Variants in PCID2 observed in about 807,000 individuals in gnomAD.
PCID2 encodes PCI domain containing 2.
A neutral mutation model predicts 61.3 loss-of-function variants in PCID2; 41 were observed. The ratio of observed to expected loss-of-function variants is 0.67; its 90% CI spans 0.52 to 0.87. The LOEUF is 0.87. PCID2 is among the 40% of genes least tolerant of loss of function. PCID2 has a pLI of 0.00. For synonymous variants in PCID2, 187 were observed against 177.8 expected, an observed-to-expected ratio of 1.05 and a Z score of -0.41; for missense variants, 392 against 493.4, an observed-to-expected ratio of 0.79 and a Z score of 1.95.
intron 9 of PCID2, among the ~76,000 whole-genome samples, chr13:113,182,289 G>A (rs903617683): frequency 3.9e-5 from 6 of 152,124 alleles, no homozygotes; most frequent in Non-Finnish European, 7.4e-5. Flanking sequence ...CACAGTGAGC[G>A]TGAATGCTGT....
downstream of PCID2, among the ~76,000 whole-genome samples, chr13:113,176,506 C>T: frequency 6.6e-6 from 1 of 152,302 alleles, no homozygotes; most frequent in Admixed American, 6.5e-5. Flanking sequence ...ACATGCCTGT[C>T]ACCCCAGCAC....
intron 6 of PCID2, 106 bp from the exon 7 acceptor site, chr13:113,191,081 C>T (rs371852578): frequency 1.5e-6 from 1 of 647,444 alleles, no homozygotes; most frequent in South Asian, 2.3e-5. Context: ...CAGCCTCAAC[C>T]TCCTGGGCTC....
intron 1 of PCID2, among the ~76,000 whole-genome samples, chr13:113,204,882 C>T (rs189803361): frequency 7.6e-4 from 115 of 152,268 alleles, no homozygotes; most frequent in African/African-American, 2.5e-3. Context: ...GCCTTCAGCC[C>T]TCAATGGGAC....
intron 1 of PCID2, among the ~76,000 whole-genome samples, chr13:113,205,434 T>G (rs1308563089): frequency 6.6e-6 from 1 of 152,198 alleles, no homozygotes; most frequent in Admixed American, 6.5e-5. Context: ...AAATGTAAAA[T>G]GATGCAGCTA....
chr13:113,196,704 ACACT>A (rs2039042322), intron 4 of PCID2, among the ~76,000 whole-genome samples: 1 of 152,234 alleles, frequency 6.6e-6, no homozygotes, highest in Non-Finnish European at 1.5e-5. Context: ...AATCCTTAGC[ACACT>A]CACTGACTCA....
chr13:113,178,174 C>A lies in PCID2; in HGVS notation c.*24G>T. ...AAAGTGGAAAGAAACAACTGCTCAC[C>A]CGTCCTCGGGGCTCCGTGTACTTTC... On this transcript the variant is annotated 3_prime_UTR_variant, in exon 14 of 14. Transcript: ENST00000337344. The A allele has an allele frequency of 6.3e-7, 1 of 1,580,096 alleles. No individual in the cohort carries two copies. The highest frequency in any genetic ancestry group is 1.1e-5 in the South Asian group (1 of 90,294).
intron 6 of PCID2, among the ~76,000 whole-genome samples, chr13:113,192,914 T>C (rs2038729875): frequency 1.3e-5 from 2 of 152,142 alleles, no homozygotes; most frequent in South Asian, 4.1e-4. Flanking sequence ...CTGTCATGAA[T>C]GGGAAAGAGA....
chr13:113,189,027 T>C (rs1401817982), intron 7 of PCID2, among the ~76,000 whole-genome samples: 1 of 152,074 alleles, frequency 6.6e-6, no homozygotes, highest in Non-Finnish European at 1.5e-5. Flanking sequence ...TGGGAGGTTT[T>C]TGGGTCATGG....
rs1474402063 is a variant in PCID2 at position 113,179,382 on chromosome 13, CTG to C, written c.987-295_987-294del. On this transcript the variant is annotated intron_variant, in intron 12 of 13. Coordinates refer to ENST00000337344, the MANE Select transcript of PCID2 (RefSeq NM_001127202.4). This position sits in a 1 kb window ranked among gnomAD's most constrained non-coding sequence, Gnocchi z 4.3. ...AAATCAGGAAGCACCTGACAATGGG[CTG>C]TGTCTCACAGACTCAGCGAAATAGG... 2.0e-5 allele frequency among the ~76,000 whole-genome samples: 3 copies of C among 152,020 alleles called. No homozygotes were observed. The highest frequency in any genetic ancestry group is 4.4e-5 in the Non-Finnish European group (3 of 68,006).
At position 113,198,315 on chromosome 13, in the gene PCID2, G is replaced by A. The variant is rs532227365; in HGVS notation, c.127-51C>T. ...AAAGTAAAATTAATAGGCACAGAAA[G>A]AATGCAACATATAGAAAGAGATTTA... is the stretch of plus-strand genomic sequence containing the variant. On this transcript the variant is annotated intron_variant, in intron 2 of 13. Transcript: ENST00000337344. 47 of 1,059,306 alleles carry A rather than the reference G, an allele frequency of 4.4e-5. No individual in the cohort carries two copies. The Admixed American group carries it at 8.5e-4, about 19-fold the overall frequency. 65.6% of individuals were successfully genotyped at this position (1,059,306 alleles called of 1,614,324 possible).
downstream of PCID2, among the ~76,000 whole-genome samples, chr13:113,172,750 C>T (rs1361305431): frequency 6.6e-6 from 1 of 152,152 alleles, no homozygotes; most frequent in Non-Finnish European, 1.5e-5. Flanking sequence ...CGGAAGGTTC[C>T]GGGGCCCGAA....
chr13:113,199,278 T>C (rs1206104205), intron 2 of PCID2, among the ~76,000 whole-genome samples: 2 of 152,168 alleles, frequency 1.3e-5, no homozygotes, highest in Non-Finnish European at 2.9e-5. Context: ...GAAGAAAGAA[T>C]TCACTCCTTG....
intron 2 of PCID2, among the ~76,000 whole-genome samples, chr13:113,199,264 C>A (rs540526603): frequency 6.6e-6 from 1 of 152,192 alleles, no homozygotes; most frequent in African/African-American, 2.4e-5. Context: ...AACAAGAGGT[C>A]GAGGAAGAAA....
downstream of PCID2, among the ~76,000 whole-genome samples, chr13:113,173,967 G>A (rs1027736191): frequency 2.6e-5 from 4 of 151,996 alleles, no homozygotes; most frequent in African/African-American, 7.3e-5. Context: ...AGTAGCTCAC[G>A]CCCGTAATCC....
At chr13:113,166,682 A>C in the PCID2 span, among the ~76,000 whole-genome samples, 2 of 152,202 alleles carry the variant, frequency 1.3e-5, no homozygotes, top group African/African-American at 4.8e-5. Context: ...ACTTCCTCTC[A>C]ATCTTTTATC....
chr13:113,196,107 T>A (rs748134558), intron 5 of PCID2, 74 bp downstream of exon 5: 2 of 1,113,388 alleles, frequency 1.8e-6, no homozygotes, highest in Non-Finnish European at 2.8e-6. Flanking sequence ...CACATTTATT[T>A]AAAGCAAATT....
intron 6 of PCID2, 83 bp downstream of exon 6, chr13:113,194,988 C>G (rs988279513): frequency 5.0e-6 from 5 of 1,008,506 alleles, no homozygotes; most frequent in Non-Finnish European, 8.0e-6. Flanking sequence ...CTCAAAACTT[C>G]TGGGAAGAAT....
chr13:113,200,464 G>T lies in PCID2; in HGVS notation c.89C>A (p.Ser30Tyr). 1 of 1,613,590 alleles carries T rather than the reference G, an allele frequency of 6.2e-7. No homozygotes were observed. Among genetic ancestry groups the T allele is most frequent in the African/African-American group, 1.3e-5 (1 of 75,016 alleles). The change falls in exon 2 of 14, where the codon TCT (serine) becomes TAT (tyrosine). Residue 30 changes from serine to tyrosine, a missense_variant. Around this residue, in one of 3 missense-constraint regions of PCID2, gnomAD observed 155 missense variants for 164.9 expected, o/e 0.94. Transcript: ENST00000337344. ...GTTTGCAACATGAGGATGTTTAAAA[G>T]ACACCAACTCTGCACAAGATGCTCC... ...RDGASCAELV[S>Y]FKHPHVANPR... is the part of the protein sequence containing the mutation.
the PCID2 span, chr13:113,171,510 C>T: frequency 1.2e-5 from 19 of 1,570,224 alleles, no homozygotes; most frequent in South Asian, 1.2e-4. This position sits in a 1 kb window ranked among gnomAD's most constrained non-coding sequence, Gnocchi z 5.1. Flanking sequence ...TCCCTCCTCA[C>T]GTGGCTCCCT....
Sources: gnomAD v4.1 joint callset for allele counts (sites outside exome capture counted in the v4.1 genomes callset) on GRCh38, gnomAD v4.1.1 for gene constraint, gnomAD v4.1.1 regional missense constraint, Gnocchi (gnomAD v3.1) non-coding constraint, MANE v1.5 for transcripts, NCBI Gene and HGNC (gene_info 2026-07-23, HGNC 2026-07-21) for gene names.